Variants in TTC8 observed in about 807,000 individuals in gnomAD.
The protein encoded by TTC8 is tetratricopeptide repeat protein 8.
A neutral mutation model predicts 72.5 loss-of-function variants in TTC8; 47 were observed. The ratio of observed to expected loss-of-function variants is 0.65; its 90% CI spans 0.51 to 0.83. The LOEUF is 0.83. Among genes scored for constraint, TTC8 ranks in the 40% least tolerant of loss-of-function variants. The probability of loss-of-function intolerance (pLI) is 0.00; values close to 1 mark genes in which losing one functional copy is unlikely to be tolerated. For missense variants in TTC8, 611 were observed against 623.2 expected (o/e 0.98, Z 0.21); for synonymous variants, 199 against 221.4 (o/e 0.90, Z 0.90).
intron 7 of TTC8, among the ~76,000 whole-genome samples, chr14:88,848,123 CAAAAAAAAA>C (rs58210253): frequency 0.048 from 846 of 17,672 alleles, 12 homozygotes; most frequent in African/African-American, 0.11. Flanking sequence ...AACTCTGTCT[CAAAAAAAAA>C]AAAAAAAAAA....
intron 1 of TTC8, among the ~76,000 whole-genome samples, chr14:88,827,242 T>C (rs1400140457): frequency 6.6e-6 from 1 of 152,188 alleles, no homozygotes; most frequent in African/African-American, 2.4e-5. Context: ...GAGTGCTTAC[T>C]ACAGATTGTG....
In TTC8 at chr14:88,871,691, G is replaced by A. The variant is rs765696895; in HGVS notation, c.1192G>A (p.Asp398Asn). Residue 398 changes from aspartate (D) to asparagine (N), a missense_variant, in exon 12 of 15, where the codon GAT becomes AAT. By Grantham distance (23) the Asp-to-Asn change is conservative. Transcript: ENST00000380656. The surrounding 1 kb of genome is among the most constrained non-coding windows in gnomAD (Gnocchi z 4.1). Reference sequence around the variant, plus strand: ...GGCTGAAAATGAAGAAGAGGCAGCTGATGTCTGGTACAACTTGGGACATGT... The same window carrying A: ...GGCTGAAAATGAAGAAGAGGCAGCTAATGTCTGGTACAACTTGGGACATGT... ...SLAENEEEAADVWYNLGHVAV... is the reference protein window; with the variant it reads ...SLAENEEEAANVWYNLGHVAV... The A allele has an allele frequency of 6.2e-7, 1 of 1,614,108 alleles. No homozygotes were observed. Among genetic ancestry groups the A allele is most frequent in the South Asian group, 1.1e-5 (1 of 91,080 alleles).
At chr14:88,845,877 G>C (rs1231391235) in intron 7 of TTC8, among the ~76,000 whole-genome samples, 3 of 152,068 alleles carry the variant, frequency 2.0e-5, no homozygotes, top group Admixed American at 2.0e-4. Context: ...GCAAGGAATA[G>C]AAACAAACTT....
intron 8 of TTC8, among the ~76,000 whole-genome samples, chr14:88,854,291 T>C (rs1422747796): frequency 1.3e-5 from 2 of 152,218 alleles, no homozygotes; most frequent in Non-Finnish European, 1.5e-5. Flanking sequence ...TAAATGAGTG[T>C]ACCTTGTCAT....
rs564775507 is a variant in TTC8, at chr14:88,851,764, A to G, written c.625-1207A>G. 5.3e-5 allele frequency among the ~76,000 whole-genome samples: 8 copies of G among 152,164 alleles called. 1 individual carries two copies. Among genetic ancestry groups the G allele is most frequent in the Admixed American group, 4.6e-4 (7 of 15,274 alleles). On this transcript the variant is annotated intron_variant, in intron 7 of 14. Transcript: ENST00000380656. ...ACTGTGTGGCTTCTTTTTAATTTTC[A>G]TAGCTTTCAAGTAGAGATGCTGATT...
intron 2 of TTC8, among the ~76,000 whole-genome samples, chr14:88,836,061 C>G (rs1347906913): frequency 6.6e-6 from 1 of 152,016 alleles, no homozygotes; most frequent in Non-Finnish European, 1.5e-5. Context: ...GAATAACAGT[C>G]TGAGTAGATT....
In TTC8 at chr14:88,870,084, C is replaced by A. The variant is rs1010519307; in HGVS notation, c.935C>A (p.Ala312Glu). The change falls in exon 11 of 15, where the codon GCA (alanine) becomes GAA (glutamate). Residue 312 changes from alanine to glutamate, a missense_variant. Transcript: ENST00000380656. ...GAAATGAACAATATGTCATCAGCAG[C>A]AGAATATTACAAAGAAGTTTTGAAA... ...YEEMNNMSSA[A>E]EYYKEVLKQD... The A allele has an allele frequency of 6.2e-7, 1 of 1,613,988 alleles. No homozygotes were observed. Among genetic ancestry groups the A allele is most frequent in the Non-Finnish European group, 8.5e-7 (1 of 1,179,910 alleles).
chr14:88,867,498 A>G (rs1198132690), intron 10 of TTC8, among the ~76,000 whole-genome samples: 5 of 152,358 alleles, frequency 3.3e-5, no homozygotes, highest in Non-Finnish European at 5.9e-5. Flanking sequence ...TGTATGAACA[A>G]AATTTCCTGA....
chr14:88,827,871 T>C (rs1489861453), intron 1 of TTC8, among the ~76,000 whole-genome samples: 2 of 152,192 alleles, frequency 1.3e-5, no homozygotes. Context: ...GAAAATTATC[T>C]TTCCTTAGAA....
At chr14:88,860,867 G>T (rs919588367) in intron 9 of TTC8, among the ~76,000 whole-genome samples, 1 of 150,160 alleles carries the variant, frequency 6.7e-6, no homozygotes, top group East Asian at 2.0e-4. Context: ...AGTGCAGTGC[G>T]ATCACAGCTC....
intron 1 of TTC8, among the ~76,000 whole-genome samples, chr14:88,825,422 T>C (rs1595920656): frequency 6.6e-6 from 1 of 152,134 alleles, no homozygotes; most frequent in East Asian, 1.9e-4. Flanking sequence ...AAGCTCTAAT[T>C]GTAGGAGGGA....
At chr14:88,863,389 G>A (rs1414284050) in intron 10 of TTC8, among the ~76,000 whole-genome samples, 1 of 152,206 alleles carries the variant, frequency 6.6e-6, no homozygotes, top group Non-Finnish European at 1.5e-5. Flanking sequence ...TCCCAGTGGA[G>A]TCACACAGGA....
chr14:88,868,940 T>C (rs932414019), intron 10 of TTC8, among the ~76,000 whole-genome samples: 3 of 152,224 alleles, frequency 2.0e-5, no homozygotes, highest in African/African-American at 7.2e-5. Context: ...AAGAGTGATC[T>C]GTGATGCAAT....
chr14:88,878,102 A>G (rs1286505622), downstream of TTC8: 2 of 152,196 alleles, frequency 1.3e-5, no homozygotes, highest in African/African-American at 4.8e-5. Flanking sequence ...TTCAAATGAT[A>G]TACCACCAAT....
rs758330370 is a variant in TTC8, at chr14:88,872,431, G to A, written c.1326G>A (p.Met442Ile). 1 of 1,614,022 alleles carries A rather than the reference G, an allele frequency of 6.2e-7. No individual in the cohort carries two copies. Among genetic ancestry groups the A allele is most frequent in the East Asian group, 2.2e-5 (1 of 44,862 alleles). Residue 442 changes from methionine to isoleucine, a missense_variant, in exon 13 of 15, where the codon ATG becomes ATA. Transcript: ENST00000380656. Reference protein sequence around the residue: ...EAYNNLAVLEMRKGHVEQARA... With the variant: ...EAYNNLAVLEIRKGHVEQARA... ...ACAACAACCTGGCTGTGCTGGAGATGCGGAAGGGCCACGTTGAACAGGTCA... is the reference window on the plus strand; with the variant it reads ...ACAACAACCTGGCTGTGCTGGAGATACGGAAGGGCCACGTTGAACAGGTCA...
At chr14:88,827,985 A>T (rs1477880323) in intron 1 of TTC8, among the ~76,000 whole-genome samples, 2 of 152,112 alleles carry the variant, frequency 1.3e-5, no homozygotes, top group African/African-American at 4.8e-5. Flanking sequence ...TGCGTCGATC[A>T]TGTTCATGTG....
chr14:88,847,451 C>T (rs956093190), intron 7 of TTC8, among the ~76,000 whole-genome samples: 2 of 152,138 alleles, frequency 1.3e-5, no homozygotes, highest in Admixed American at 6.5e-5. Flanking sequence ...GAACTGGAGT[C>T]CCCATTTATA....
chr14:88,862,734 C>T (rs934067204), intron 10 of TTC8, among the ~76,000 whole-genome samples: 10 of 148,554 alleles, frequency 6.7e-5, no homozygotes, highest in Non-Finnish European at 1.5e-4. Flanking sequence ...GCTTGTGCCC[C>T]CATGTCCAGC....
downstream of TTC8, chr14:88,879,205 G>T (rs912638919): frequency 2.0e-5 from 3 of 152,218 alleles, no homozygotes; most frequent in Admixed American, 2.0e-4. Flanking sequence ...AGGGCAGAAT[G>T]ATGACATAGC....
Sources: gnomAD v4.1 joint callset for allele counts (sites outside exome capture counted in the v4.1 genomes callset) on GRCh38, gnomAD v4.1.1 for gene constraint, Gnocchi (gnomAD v3.1) non-coding constraint, MANE v1.5 for transcripts, NCBI Gene and HGNC (gene_info 2026-07-23, HGNC 2026-07-21) for gene names.